Variants in PJA2 observed in about 807,000 individuals in gnomAD.
PJA2 encodes E3 ubiquitin-protein ligase Praja-2.
PJA2 carries 25 observed loss-of-function variants against 69.3 expected under a neutral mutation model. That is an observed-to-expected ratio of 0.36 (90% CI 0.26 to 0.50). The LOEUF is 0.50. Ranked by LOEUF, PJA2 falls within the 20% of genes least tolerant of loss-of-function variation. The probability of loss-of-function intolerance (pLI) is 0.96; values close to 1 mark genes in which losing one functional copy is unlikely to be tolerated. For missense variants in PJA2, 809 were observed against 830.2 expected (o/e 0.97, Z 0.31); for synonymous variants, 308 against 277.8 (o/e 1.11, Z -1.08).
chr5:109,340,409 A>G (rs1762020820), intron 9 of PJA2, among the ~76,000 whole-genome samples: 1 of 151,840 alleles, frequency 6.6e-6, no homozygotes, highest in African/African-American at 2.4e-5. Context: ...AAGGAAAGGA[A>G]TGGGAAAAGG....
chr5:109,405,185 T>C (rs1055649256), intron 1 of PJA2, among the ~76,000 whole-genome samples: 1 of 152,214 alleles, frequency 6.6e-6, no homozygotes. Flanking sequence ...AATTATCACT[T>C]ATAATGGTAT....
chr5:109,353,416 CATCTATATATTAGATACCTATATATAGAT>C (rs1252285170), intron 7 of PJA2, among the ~76,000 whole-genome samples: 51,450 of 118,892 alleles, frequency 0.43, 14,355 homozygotes, highest in Non-Finnish European at 0.55. Flanking sequence ...TATCTATAGA[CATCTATATATTAGATACCTATATATAGAT>C]ATCTATATAT....
chr5:109,350,558 G>T (rs1419721940), intron 7 of PJA2, among the ~76,000 whole-genome samples: 1 of 152,122 alleles, frequency 6.6e-6, no homozygotes, highest in Non-Finnish European at 1.5e-5. Flanking sequence ...CTATTGATTT[G>T]AATAAACCTA....
Position 109,366,509 on chromosome 5 carries a change from C to G in PJA2, c.1469+2052G>C, listed in dbSNP as rs185547959. On this transcript the variant is annotated intron_variant, in intron 5 of 9. Coordinates refer to ENST00000361189, the MANE Select transcript of PJA2 (RefSeq NM_014819.5). ...TAAGAACTCAGCTCAAAAGTCAATT[C>G]TAAAGAGACGTCATCCCTGACCACT... Among the ~76,000 whole-genome samples, 13 of 152,312 alleles carry G rather than the reference C, an allele frequency of 8.5e-5. No individual in the cohort carries two copies. The East Asian group carries it at 2.5e-3, about 29-fold the overall frequency.
chr5:109,344,685 G>A lies in PJA2; in HGVS notation c.1879+20C>T. ...ATGTACAATGTGTTCTTCAACATTT[G>A]AGATCAACTTTGCCCTTACCAGTGT... On this transcript the variant is annotated intron_variant, in intron 8 of 9. Coordinates refer to ENST00000361189, the MANE Select transcript of PJA2 (RefSeq NM_014819.5). The A allele has an allele frequency of 6.8e-7, 1 of 1,472,238 alleles. No homozygotes were observed. The highest frequency in any genetic ancestry group is 9.5e-7 in the Non-Finnish European group (1 of 1,055,090). The allele number at this position is 1,472,238 out of a possible 1,614,324, so 91.2% of individuals were successfully genotyped here.
intron 2 of PJA2, among the ~76,000 whole-genome samples, chr5:109,382,543 G>A (rs541448012): frequency 2.6e-5 from 4 of 152,226 alleles, no homozygotes; most frequent in African/African-American, 9.6e-5. Flanking sequence ...ACAGCATATG[G>A]TATAGTCAAT....
At chr5:109,408,148 G>A (rs1465502030) in intron 1 of PJA2, among the ~76,000 whole-genome samples, 4 of 152,150 alleles carry the variant, frequency 2.6e-5, no homozygotes, top group African/African-American at 7.2e-5. Flanking sequence ...CATAGAGGAA[G>A]TTTACTGAAT....
chr5:109,353,538 CATAG>C (rs1468180536), intron 7 of PJA2, among the ~76,000 whole-genome samples: 7 of 109,792 alleles, frequency 6.4e-5, no homozygotes, highest in East Asian at 5.1e-4. Flanking sequence ...TCTATAATAT[CATAG>C]ATATCTATAT....
intron 1 of PJA2, among the ~76,000 whole-genome samples, chr5:109,397,406 G>C (rs1406364265): frequency 6.6e-6 from 1 of 152,006 alleles, no homozygotes; most frequent in Non-Finnish European, 1.5e-5. Flanking sequence ...GGTATAGAAA[G>C]CTGGAGTGTC....
chr5:109,396,957 T>A (rs887695084), intron 1 of PJA2, among the ~76,000 whole-genome samples: 2 of 152,220 alleles, frequency 1.3e-5, no homozygotes, highest in African/African-American at 4.8e-5. Flanking sequence ...TGAATGTTTG[T>A]GCCATCTTCC....
rs1761919159 is a variant in PJA2, at chr5:109,335,268, T to C, written c.*1963A>G. Reference sequence around the variant, plus strand: ...CTTCTTCACAGCAGCTGTTTATAGATAGTAGGGAGCCAAGAATGAAGGACA... The same window carrying C: ...CTTCTTCACAGCAGCTGTTTATAGACAGTAGGGAGCCAAGAATGAAGGACA... On this transcript the variant is annotated 3_prime_UTR_variant, in exon 10 of 10. Transcript: ENST00000361189. 6.6e-6 allele frequency: 1 copy of C among 152,602 alleles called. No individual in the cohort carries two copies. Among genetic ancestry groups the C allele is most frequent in the African/African-American group, 2.4e-5 (1 of 41,440 alleles). 9.5% of individuals were successfully genotyped at this position (152,602 alleles called of 1,614,324 possible).
At chr5:109,401,208 C>T (rs1188308509) in intron 1 of PJA2, among the ~76,000 whole-genome samples, 2 of 151,486 alleles carry the variant, frequency 1.3e-5, no homozygotes, top group South Asian at 2.1e-4. Context: ...CACTTGAACC[C>T]GGGAGGTAGA....
intron 7 of PJA2, among the ~76,000 whole-genome samples, chr5:109,346,155 T>A (rs1762169722): frequency 6.6e-6 from 1 of 152,230 alleles, no homozygotes; most frequent in African/African-American, 2.4e-5. Context: ...TTCAAAGAAT[T>A]GGTATTACAC....
At chr5:109,361,979 TGGA>T (rs1762513195) in intron 6 of PJA2, among the ~76,000 whole-genome samples, 1 of 152,362 alleles carries the variant, frequency 6.6e-6, no homozygotes, top group African/African-American at 2.4e-5. Context: ...ACATATGTTC[TGGA>T]AACCTGAAGA....
intron 1 of PJA2, among the ~76,000 whole-genome samples, chr5:109,389,379 T>C (rs1244656264): frequency 1.3e-5 from 2 of 152,118 alleles, no homozygotes; most frequent in East Asian, 3.8e-4. Flanking sequence ...GACTAAACTG[T>C]GTTTTTCAGG....
chr5:109,378,899 T>C lies in PJA2; in HGVS notation c.588A>G (p.Ser196=). ...CCAACTCAAATACTGTATTGCCTAA[T>C]GATTCCTGGTATCTACTACCTTCCA... ...EVVEGSRYQE[S]LGNTVFELEN... Residue 196 remains serine, a synonymous_variant, in exon 4 of 10, where the codon TCA becomes TCG. Coordinates refer to ENST00000361189, the MANE Select transcript of PJA2 (RefSeq NM_014819.5). 1.2e-6 allele frequency: 2 copies of C among 1,614,214 alleles called. No homozygotes were observed. Among genetic ancestry groups the C allele is most frequent in the Non-Finnish European group, 1.7e-6 (2 of 1,180,034 alleles).
intron 4 of PJA2, among the ~76,000 whole-genome samples, chr5:109,370,036 A>T (rs1224035604): frequency 1.4e-5 from 2 of 142,136 alleles, no homozygotes; most frequent in Non-Finnish European, 3.2e-5. Context: ...CCCTCTCAAA[A>T]AAAAAAAAAA....
At position 109,354,742 on chromosome 5, in the gene PJA2, G is replaced by A. The variant is rs532948246; in HGVS notation, c.1764+1173C>T. Among the ~76,000 whole-genome samples, 394 of 146,532 alleles carry A rather than the reference G, an allele frequency of 2.7e-3. 2 individuals carry two copies. Among genetic ancestry groups the A allele is most frequent in the African/African-American group, 9.4e-3 (377 of 40,300 alleles). On this transcript the variant is annotated intron_variant, in intron 7 of 9. Transcript: ENST00000361189. ...AATATATATTATATATTAGAGAGAGGTAATATATTAGATATATAAATATAT... is the reference window on the plus strand; with the variant it reads ...AATATATATTATATATTAGAGAGAGATAATATATTAGATATATAAATATAT...
intron 9 of PJA2, among the ~76,000 whole-genome samples, chr5:109,341,633 C>T (rs75000717): frequency 0.13 from 4,470 of 35,234 alleles, no homozygotes; most frequent in Middle Eastern, 0.17. Context: ...CCAGCCGCCC[C>T]GTCCGGGAGG....
Sources: allele counts gnomAD v4.1 joint callset (sites outside exome capture counted in the v4.1 genomes callset), GRCh38; gene constraint gnomAD v4.1.1; transcripts MANE v1.5; gene names NCBI Gene and HGNC (gene_info 2026-07-23, HGNC 2026-07-21).